Variants in PCDHGB3 observed in about 807,000 individuals in gnomAD.
The protein encoded by PCDHGB3 is protocadherin gamma subfamily B, 3.
Under a neutral mutation model 59.2 loss-of-function variants are expected in PCDHGB3, and 40 were observed. The ratio of observed to expected loss-of-function variants is 0.68; its 90% CI spans 0.52 to 0.88. The LOEUF is 0.88. Ranked by LOEUF, PCDHGB3 falls within the 40% of genes least tolerant of loss-of-function variation. PCDHGB3 has a pLI of 0.00. For synonymous variants in PCDHGB3, 581 were observed against 503.6 expected, an observed-to-expected ratio of 1.15 and a Z score of -2.06; for missense variants, 1,309 against 1,187.9, an observed-to-expected ratio of 1.10 and a Z score of -1.50.
In PCDHGB3 at chr5:141,374,472, C is replaced by T. The variant is rs749966400; in HGVS notation, c.2415+1663C>T. The T allele has an allele frequency of 5.0e-6, 8 of 1,612,276 alleles. No individual in the cohort carries two copies. The South Asian group carries it at 7.7e-5, about 15-fold the overall frequency. ...GAAATAGTGGACATTAATGACAATA[C>T]ACCCCGATTCTTAAAGGAAGAATTG... On this transcript the variant is annotated intron_variant, in intron 1 of 3. Transcript: ENST00000576222.
chr5:141,389,504 C>A (rs564944158), intron 1 of PCDHGB3: 1 of 1,613,088 alleles, frequency 6.2e-7, no homozygotes, highest in African/African-American at 1.3e-5. Flanking sequence ...CGCCAGCGCT[C>A]AGCGCGAACG....
intron 1 of PCDHGB3, among the ~76,000 whole-genome samples, chr5:141,425,058 G>A (rs938128250): frequency 1.3e-5 from 2 of 151,986 alleles, no homozygotes; most frequent in African/African-American, 2.4e-5. Context: ...TCTAGGGCTC[G>A]GACAAAAATA....
chr5:141,393,934 A>G, intron 1 of PCDHGB3: 3 of 1,613,984 alleles, frequency 1.9e-6, no homozygotes, highest in Non-Finnish European at 2.5e-6. Context: ...GTGCATGACC[A>G]AGACTCTGGA....
intron 1 of PCDHGB3, among the ~76,000 whole-genome samples, chr5:141,453,679 T>C (rs960698192): frequency 2.0e-5 from 3 of 152,230 alleles, no homozygotes; most frequent in Non-Finnish European, 2.9e-5. Context: ...GGTAACACAC[T>C]ATGTAGGTAG....
chr5:141,446,398 G>A (rs1379233102), intron 1 of PCDHGB3, among the ~76,000 whole-genome samples: 2 of 152,128 alleles, frequency 1.3e-5, no homozygotes, highest in African/African-American at 2.4e-5. Context: ...AAGAGAAATC[G>A]AGTTGAGTTC....
At chr5:141,440,428 C>A (rs1001845529) in intron 1 of PCDHGB3, 1 of 152,132 alleles carries the variant, frequency 6.6e-6, no homozygotes, top group Non-Finnish European at 1.5e-5. Context: ...GCCTGGGTGA[C>A]AGAGCAAGGC....
At chr5:141,494,363 T>C (rs1264801258) in intron 1 of PCDHGB3, among the ~76,000 whole-genome samples, 1 of 152,206 alleles carries the variant, frequency 6.6e-6, no homozygotes, top group Non-Finnish European at 1.5e-5. Context: ...CTGCAGAGGA[T>C]GCTTTGTTCC....
At chr5:141,480,781 G>A (rs2099525581) in intron 1 of PCDHGB3, among the ~76,000 whole-genome samples, 1 of 152,174 alleles carries the variant, frequency 6.6e-6, no homozygotes, top group Admixed American at 6.5e-5. Flanking sequence ...CTAATGTGCA[G>A]ACAAATTTGA....
In PCDHGB3 at chr5:141,432,006, C is replaced by T. The variant is rs138689793; in HGVS notation, c.2415+59197C>T. Reference sequence around the variant, plus strand: ...ATAGTCTTGGATAGGGAACAGGTTCCTAGCTACAACATCACAGTGACCGCC... The same window carrying T: ...ATAGTCTTGGATAGGGAACAGGTTCTTAGCTACAACATCACAGTGACCGCC... On this transcript the variant is annotated intron_variant, in intron 1 of 3. Transcript: ENST00000576222. This position sits in a 1 kb window ranked among gnomAD's most constrained non-coding sequence, Gnocchi z 6.0. The T allele has an allele frequency of 2.6e-4, 412 of 1,614,186 alleles. 2 individuals carry two copies. The African/African-American group carries it at 4.6e-3, about 18-fold the overall frequency.
intron 1 of PCDHGB3, among the ~76,000 whole-genome samples, chr5:141,451,611 G>C (rs1004906441): frequency 6.6e-6 from 1 of 152,166 alleles, no homozygotes; most frequent in Admixed American, 6.5e-5. Context: ...GCTAGGCATG[G>C]TGGCTCAAAC....
At position 141,432,360 on chromosome 5, in the gene PCDHGB3, C is replaced by T; in HGVS notation, c.2415+59551C>T. On this transcript the variant is annotated intron_variant, in intron 1 of 3. Transcript: ENST00000576222. This position sits in a 1 kb window ranked among gnomAD's most constrained non-coding sequence, Gnocchi z 6.0. Reference sequence around the variant, plus strand: ...CGAGACTTGCAAGTGAAAGTGATGGCGCGGGACAACGGGCACCCGCCCCTC... The same window carrying T: ...CGAGACTTGCAAGTGAAAGTGATGGTGCGGGACAACGGGCACCCGCCCCTC... 1.9e-6 allele frequency: 3 copies of T among 1,614,228 alleles called. No individual in the cohort carries two copies. The highest frequency in any genetic ancestry group is 1.1e-5 in the South Asian group (1 of 91,088).
At chr5:141,422,777 C>T in intron 1 of PCDHGB3, 1 of 1,613,982 alleles carries the variant, frequency 6.2e-7, no homozygotes, top group Non-Finnish European at 8.5e-7. Context: ...GTTCTCTATG[C>T]CCTACAATCC....
intron 1 of PCDHGB3, chr5:141,392,848 A>C (rs374832992): frequency 1.2e-6 from 2 of 1,610,796 alleles, no homozygotes; most frequent in Non-Finnish European, 1.7e-6. Flanking sequence ...AGACGCGGCG[A>C]GCTGATCCTG....
chr5:141,404,838 C>T (rs1561696680), intron 1 of PCDHGB3: 1 of 1,613,850 alleles, frequency 6.2e-7, no homozygotes, highest in East Asian at 2.2e-5. Flanking sequence ...GTGCGCACAG[C>T]TCGGGCCCTG....
chr5:141,372,802 T>G lies in PCDHGB3; in HGVS notation c.2408T>G (p.Leu803Trp). The change falls in exon 1 of 4, where the codon TTG becomes TGG. Residue 803 changes from leucine to tryptophan, a missense_variant. Physicochemically the swap from Leu to Trp is moderately conservative, Grantham distance 61 (BLOSUM62 -2). Transcript: ENST00000576222. ...GAAATGCCTTCTAATTCAGGCAATTTGCAAAAGGTGAGTTTCTTCAAACCT... is the reference window on the plus strand; with the variant it reads ...GAAATGCCTTCTAATTCAGGCAATTGGCAAAAGGTGAGTTTCTTCAAACCT... Reference protein sequence around the residue: ...NPEMPSNSGNLQKQAPPNTDW... With the variant: ...NPEMPSNSGNWQKQAPPNTDW... The G allele has an allele frequency of 6.3e-7, 1 of 1,594,058 alleles. No individual in the cohort carries two copies. Among genetic ancestry groups the G allele is most frequent in the Non-Finnish European group, 8.6e-7 (1 of 1,169,558 alleles).
At chr5:141,419,124 T>A in intron 1 of PCDHGB3, 1 of 1,613,798 alleles carries the variant, frequency 6.2e-7, no homozygotes, top group Non-Finnish European at 8.5e-7. Context: ...AACGTCACCA[T>A]CGCAGCCACA....
chr5:141,461,037 G>T (rs1254497108), intron 1 of PCDHGB3, among the ~76,000 whole-genome samples: 1 of 150,988 alleles, frequency 6.6e-6, no homozygotes, highest in Non-Finnish European at 1.5e-5. Flanking sequence ...CCACTCATTA[G>T]TCGATGGGGA....
chr5:141,419,115 A>G (rs1159582360), intron 1 of PCDHGB3: 1 of 1,613,872 alleles, frequency 6.2e-7, no homozygotes, highest in Non-Finnish European at 8.5e-7. Flanking sequence ...CCAGAGTACA[A>G]CGTCACCATC....
intron 1 of PCDHGB3, among the ~76,000 whole-genome samples, chr5:141,381,616 A>G (rs187813287): frequency 6.6e-6 from 1 of 152,230 alleles, no homozygotes; most frequent in Non-Finnish European, 1.5e-5. Context: ...ACAGCCCAGT[A>G]GGATCTCTGC....
Sources: allele counts gnomAD v4.1 joint callset (sites outside exome capture counted in the v4.1 genomes callset), GRCh38; gene constraint gnomAD v4.1.1; non-coding constraint Gnocchi (gnomAD v3.1); transcripts MANE v1.5; gene names NCBI Gene and HGNC (gene_info 2026-07-23, HGNC 2026-07-21).